Variants in RBFOX1 observed in about 807,000 individuals in gnomAD.
RBFOX1 encodes the protein RNA binding protein fox-1 homolog 1.
Under a neutral mutation model 57.7 loss-of-function variants are expected in RBFOX1, and 8 were observed. The observed-to-expected ratio is 0.14, with a 90% CI of 0.08 to 0.25. The LOEUF (loss-of-function observed/expected upper bound fraction) is 0.25. Ranked by LOEUF, RBFOX1 falls within the 10% of genes least tolerant of loss-of-function variation. The probability of loss-of-function intolerance (pLI) is 1.00; values close to 1 mark genes in which losing one functional copy is unlikely to be tolerated. For missense variants in RBFOX1, 611 were observed against 548.5 expected, an observed-to-expected ratio of 1.11 and a Z score of -1.14; for synonymous variants, 326 against 222.4, an observed-to-expected ratio of 1.47 and a Z score of -4.15.
At chr16:5,365,388 C>G (rs1203857782) in intron 1 of RBFOX1, among the ~76,000 whole-genome samples, 1 of 152,206 alleles carries the variant, frequency 6.6e-6, no homozygotes, top group Non-Finnish European at 1.5e-5. Context: ...GTGTTACCGG[C>G]TAGGCACAGT....
At chr16:6,701,266 C>T (rs1276657051) in intron 3 of RBFOX1, among the ~76,000 whole-genome samples, 1 of 152,184 alleles carries the variant, frequency 6.6e-6, no homozygotes, top group Non-Finnish European at 1.5e-5. Context: ...CTCTCTGCAG[C>T]TGACGCAGGC....
intron 2 of RBFOX1, among the ~76,000 whole-genome samples, chr16:5,503,394 A>G (rs2043267036): frequency 6.6e-6 from 1 of 152,094 alleles, no homozygotes; most frequent in African/African-American, 2.4e-5. Context: ...CACACCATAT[A>G]ATTCATCAAT....
chr16:6,418,364 G>A (rs977412521), intron 2 of RBFOX1, among the ~76,000 whole-genome samples: 1 of 152,034 alleles, frequency 6.6e-6, no homozygotes, highest in African/African-American at 2.4e-5. Flanking sequence ...CTAGGACTAA[G>A]GGCACATAAT....
At chr16:7,145,573 G>A (rs747666800) in intron 4 of RBFOX1, among the ~76,000 whole-genome samples, 2 of 151,986 alleles carry the variant, frequency 1.3e-5, no homozygotes, top group Non-Finnish European at 2.9e-5. Context: ...CTCATATGAT[G>A]ATCTATATGC....
intron 2 of RBFOX1, among the ~76,000 whole-genome samples, chr16:6,554,033 T>TATGA (rs34641433): frequency 4.6e-5 from 7 of 151,804 alleles, no homozygotes; most frequent in South Asian, 2.1e-4. Flanking sequence ...GTTTTGAAAG[T>TATGA]ATGAATGAAT....
intron 4 of RBFOX1, among the ~76,000 whole-genome samples, chr16:7,176,672 A>C (rs12935311): frequency 0.52 from 78,977 of 151,960 alleles, 22,026 homozygotes; most frequent in African/African-American, 0.74. Context: ...TTACTGGAAA[A>C]GGTTTCCGAT....
At chr16:5,448,938 C>T (rs1022756543) in intron 1 of RBFOX1, among the ~76,000 whole-genome samples, 14 of 152,204 alleles carry the variant, frequency 9.2e-5, no homozygotes, top group African/African-American at 3.4e-4. Flanking sequence ...CTCCCACTCT[C>T]TACTGCAGAC....
chr16:7,020,019 G>A (rs115631310), intron 3 of RBFOX1, among the ~76,000 whole-genome samples: 4 of 149,928 alleles, frequency 2.7e-5, no homozygotes, highest in African/African-American at 7.4e-5. Flanking sequence ...GCTACCCTCA[G>A]GAAGGCGTCT....
chr16:6,689,612 T>G (rs2059927323), intron 3 of RBFOX1, among the ~76,000 whole-genome samples: 2 of 152,136 alleles, frequency 1.3e-5, no homozygotes, highest in South Asian at 4.1e-4. Context: ...ATCAAAGGGT[T>G]TCTGTATTTT....
rs2094855794 is a variant in RBFOX1 at position 6,459,430 on chromosome 16, A to G, written c.-64+142373A>G. On this transcript the variant is annotated intron_variant, in intron 2 of 15. Transcript: ENST00000550418. ...TCCTCTCTGCATCCCCTCAGTATGA[A>G]TTTAGGTACACCAAGAATTTATCAA... Among the ~76,000 whole-genome samples the G allele has an allele frequency of 1.3e-5, 2 of 152,212 alleles. 1 individual carries two copies. Among genetic ancestry groups the G allele is most frequent in the South Asian group, 4.1e-4 (2 of 4,830 alleles).
At chr16:7,104,136 G>A (rs958975502) in intron 4 of RBFOX1, among the ~76,000 whole-genome samples, 1 of 152,142 alleles carries the variant, frequency 6.6e-6, no homozygotes, top group Admixed American at 6.6e-5. Context: ...GTATCTGTAT[G>A]GAAATTAAGG....
intron 4 of RBFOX1, among the ~76,000 whole-genome samples, chr16:7,321,303 C>G (rs1050305239): frequency 6.6e-6 from 1 of 151,962 alleles, no homozygotes; most frequent in African/African-American, 2.4e-5. Flanking sequence ...TGCCACCATA[C>G]CCGGCTAATT....
rs565690127 is a variant in RBFOX1, at chr16:6,235,889, C to G, written c.-126-81106C>G. ...TGAGAAAGGGGTGAGGGATAAAATA[C>G]TACAAATTGGGTGCAGTGTATACTG... On this transcript the variant is annotated intron_variant, in intron 1 of 15. Coordinates refer to ENST00000550418, the MANE Select transcript of RBFOX1 (RefSeq NM_018723.4). Among the ~76,000 whole-genome samples, 301 of 152,198 alleles carry G rather than the reference C, an allele frequency of 2.0e-3. 5 individuals are homozygous for G. Among genetic ancestry groups the G allele is most frequent in the Admixed American group, 3.0e-3 (46 of 15,284 alleles).
intron 4 of RBFOX1, among the ~76,000 whole-genome samples, chr16:5,943,728 C>T (rs1414769857): frequency 6.6e-6 from 1 of 152,140 alleles, no homozygotes; most frequent in Non-Finnish European, 1.5e-5. Context: ...AACAGTTTGC[C>T]AAGTAAACTA....
chr16:6,892,128 AC>A lies in RBFOX1; in HGVS notation c.-15-159924del, dbSNP rs547900395. 3.3e-5 allele frequency among the ~76,000 whole-genome samples: 5 copies of A among 151,828 alleles called. No individual in the cohort carries two copies. In the South Asian group the frequency reaches 1.0e-3, roughly 32 times the overall value. ...CGTTGACTCTTACCCAAGTCCCCAA[AC>A]CCCCTGGTTGGTGATTGCAGACCCT... On this transcript the variant is annotated intron_variant, in intron 3 of 15. Coordinates refer to ENST00000550418, the MANE Select transcript of RBFOX1 (RefSeq NM_018723.4).
chr16:5,770,605 G>T (rs1690690848), intron 3 of RBFOX1, among the ~76,000 whole-genome samples: 2 of 152,030 alleles, frequency 1.3e-5, no homozygotes, highest in Admixed American at 6.6e-5. Flanking sequence ...CCTGTTCTCT[G>T]TTGCTCTAGT....
intron 9 of RBFOX1, among the ~76,000 whole-genome samples, chr16:7,605,624 C>T (rs1024058689): frequency 1.3e-5 from 2 of 152,142 alleles, no homozygotes; most frequent in African/African-American, 4.8e-5. Flanking sequence ...ATGTTAAGAA[C>T]ACCTCTGGGC....
chr16:7,329,931 C>T (rs1252415544), intron 4 of RBFOX1, among the ~76,000 whole-genome samples: 2 of 152,278 alleles, frequency 1.3e-5, no homozygotes, highest in African/African-American at 4.8e-5. Flanking sequence ...CATATATACA[C>T]ACAGTCACGT....
intron 3 of RBFOX1, among the ~76,000 whole-genome samples, chr16:5,707,200 G>T (rs921786271): frequency 6.6e-6 from 1 of 152,164 alleles, no homozygotes; most frequent in Admixed American, 6.5e-5. Flanking sequence ...ACTCACACCT[G>T]TAACTATCTC....
Sources: allele counts gnomAD v4.1 joint callset (sites outside exome capture counted in the v4.1 genomes callset), GRCh38; gene constraint gnomAD v4.1.1; transcripts MANE v1.5; gene names NCBI Gene and HGNC (gene_info 2026-07-23, HGNC 2026-07-21).